The following TMEM272 variants were observed in gnomAD, a reference collection of about 807,000 sequenced individuals.
The protein encoded by TMEM272 is transmembrane protein 272, also known as long intergenic non-protein coding RNA 282.
Under a neutral mutation model 3.7 loss-of-function variants are expected in TMEM272, and 8 were observed. The observed-to-expected ratio is 2.17, with a 90% CI of 1.27 to 3.91. TMEM272 has a LOEUF of 3.91. Ranked by LOEUF, TMEM272 falls within the 30% of genes most tolerant of loss-of-function variation. TMEM272 has a pLI of 0.00. For missense variants in TMEM272, 166 were observed against 91.5 expected (o/e 1.81, Z -3.32); for synonymous variants, 63 against 39.8 (o/e 1.58, Z -2.20).
rs559596286 is a variant in TMEM272, at chr13:51,816,840, G to A, written c.475C>T (p.Leu159Phe). Residue 159 changes from leucine to phenylalanine, a missense_variant, in exon 5 of 5, where the codon CTC becomes TTC. Leu to Phe is a conservative substitution (Grantham distance 22, BLOSUM62 0). Transcript: ENST00000629372. The stretch of plus-strand genomic sequence containing the variant: ...AGCAAGACCAGCACAGTGTGACTGA[G>A]CGCCAGGACTCCGACTGCAAAGAGG... Reference protein sequence around the residue: ...LYLFAVGVLALSHTVLVLLLL... With the variant: ...LYLFAVGVLAFSHTVLVLLLL... 164 of 703,058 alleles carry A rather than the reference G, an allele frequency of 2.3e-4. No individual in the cohort carries two copies. In the East Asian group the frequency reaches 4.3e-3, roughly 19 times the overall value. The allele number at this position is 703,058 out of a possible 1,614,324, so 43.6% of individuals were successfully genotyped here.
At chr13:51,860,473 TA>T in the TMEM272 span, among the ~76,000 whole-genome samples, 1 of 151,512 alleles carries the variant, frequency 6.6e-6, no homozygotes, top group Non-Finnish European at 1.5e-5. Context: ...ACCTTATCTC[TA>T]AAAAAACACA....
At chr13:51,923,791 A>G in the TMEM272 span, among the ~76,000 whole-genome samples, 1 of 152,156 alleles carries the variant, frequency 6.6e-6, no homozygotes, top group Non-Finnish European at 1.5e-5. Context: ...CAATCCCCCA[A>G]GCCCAATTAG....
At chr13:51,923,226 C>CT in the TMEM272 span, among the ~76,000 whole-genome samples, 4 of 152,328 alleles carry the variant, frequency 2.6e-5, no homozygotes, top group African/African-American at 9.6e-5. Context: ...GGATGGGAGA[C>CT]TACACTTTTG....
chr13:51,929,181 G>A, the TMEM272 span, among the ~76,000 whole-genome samples: 1 of 152,046 alleles, frequency 6.6e-6, no homozygotes, highest in African/African-American at 2.4e-5. Flanking sequence ...TGAGGACAGA[G>A]TGAGACTCCA....
the TMEM272 span, chr13:51,909,655 T>C: frequency 1.2e-5 from 19 of 1,524,664 alleles, no homozygotes; most frequent in Non-Finnish European, 1.5e-5. Flanking sequence ...AAAGAAGCAT[T>C]TAACTTAGCA....
the TMEM272 span, among the ~76,000 whole-genome samples, chr13:51,889,073 A>G: frequency 0.97 from 148,486 of 152,320 alleles, 72,393 homozygotes; most frequent in East Asian, 1. Context: ...TTGCCACAAT[A>G]ACAACCCTGT....
chr13:51,858,266 C>T, the TMEM272 span, among the ~76,000 whole-genome samples: 1 of 152,096 alleles, frequency 6.6e-6, no homozygotes, highest in Admixed American at 6.5e-5. Flanking sequence ...GAGAACACTG[C>T]ATCAAGCAAC....
chr13:51,902,335 G>A, the TMEM272 span, among the ~76,000 whole-genome samples: 1,019 of 152,248 alleles, frequency 6.7e-3, 9 homozygotes, highest in South Asian at 0.02. Context: ...ACGGCCTGGC[G>A]CCTGGAAAAG....
the TMEM272 span, chr13:51,866,067 G>A: frequency 6.3e-6 from 10 of 1,577,774 alleles, no homozygotes; most frequent in African/African-American, 4.1e-5. Flanking sequence ...GCCTTCTCCC[G>A]AGGCAGGGCG....
chr13:51,904,600 A>T, the TMEM272 span, among the ~76,000 whole-genome samples: 1 of 152,232 alleles, frequency 6.6e-6, no homozygotes, highest in Non-Finnish European at 1.5e-5. Context: ...CGTTTTCAAG[A>T]TATTGTGAAA....
chr13:51,834,599 G>A (rs17075988), intron 2 of TMEM272, among the ~76,000 whole-genome samples: 7,621 of 152,308 alleles, frequency 0.05, 254 homozygotes, highest in Admixed American at 0.092. Context: ...GTTGAGTTGT[G>A]TAAATTTCTC....
the TMEM272 span, among the ~76,000 whole-genome samples, chr13:51,893,175 G>A: frequency 6.6e-6 from 1 of 152,206 alleles, no homozygotes; most frequent in East Asian, 1.9e-4. Flanking sequence ...AGGAACAGAA[G>A]TCAAACTAAG....
At chr13:51,865,747 A>G in the TMEM272 span, 1 of 1,614,154 alleles carries the variant, frequency 6.2e-7, no homozygotes, top group Non-Finnish European at 8.5e-7. Context: ...CTTTCTGGAA[A>G]AAGTACCGCA....
chr13:51,912,521 T>C, the TMEM272 span, among the ~76,000 whole-genome samples: 1 of 152,198 alleles, frequency 6.6e-6, no homozygotes, highest in Non-Finnish European at 1.5e-5. Flanking sequence ...TTGGCCACAC[T>C]TTCCAAATTT....
At chr13:51,856,614 T>TA in the TMEM272 span, among the ~76,000 whole-genome samples, 1 of 152,318 alleles carries the variant, frequency 6.6e-6, no homozygotes, top group Non-Finnish European at 1.5e-5. Flanking sequence ...AGATTTCTCT[T>TA]ACCGTCATCA....
chr13:51,844,605 G>A (rs923104238), intron 1 of TMEM272, among the ~76,000 whole-genome samples: 1 of 152,012 alleles, frequency 6.6e-6, no homozygotes, highest in Non-Finnish European at 1.5e-5. Flanking sequence ...TGGCTCCTAG[G>A]AAATGAAAAA....
At chr13:51,891,714 T>C in the TMEM272 span, among the ~76,000 whole-genome samples, 1 of 152,168 alleles carries the variant, frequency 6.6e-6, no homozygotes, top group African/African-American at 2.4e-5. Context: ...ACTACTGTTC[T>C]AGGGAAATGG....
At chr13:51,931,964 A>G in the TMEM272 span, among the ~76,000 whole-genome samples, 1 of 152,176 alleles carries the variant, frequency 6.6e-6, no homozygotes, top group Non-Finnish European at 1.5e-5. Context: ...TCTGGAACCT[A>G]TGATCAGGCA....
At chr13:51,897,670 T>C in the TMEM272 span, among the ~76,000 whole-genome samples, 5 of 152,022 alleles carry the variant, frequency 3.3e-5, no homozygotes, top group African/African-American at 9.7e-5. Context: ...CTCATGCCTG[T>C]AGTCCCAGTA....
Sources: gnomAD v4.1 joint callset for allele counts (sites outside exome capture counted in the v4.1 genomes callset) on GRCh38, gnomAD v4.1.1 for gene constraint, MANE v1.5 for transcripts, NCBI Gene and HGNC (gene_info 2026-07-23, HGNC 2026-07-21) for gene names.